NAV3: variants seen among roughly 807,000 people sequenced by gnomAD.
NAV3 encodes the protein neuron navigator 3, also known as pore membrane and/or filament interacting like protein 1.
In NAV3, 87 loss-of-function variants were observed where a neutral mutation model predicts 244.7. The ratio of observed to expected loss-of-function variants is 0.36; its 90% CI spans 0.30 to 0.42. The LOEUF (loss-of-function observed/expected upper bound fraction) is 0.42, where lower values mean the gene tolerates loss of function less well. Among genes scored for constraint, NAV3 ranks in the 20% least tolerant of loss-of-function variants. The pLI, the probability that NAV3 is intolerant of heterozygous loss-of-function variation, is 1.00. For synonymous variants in NAV3, 1,126 were observed against 1,042.2 expected, an observed-to-expected ratio of 1.08 and a Z score of -1.55; for missense variants, 2,663 against 2,893.3, an observed-to-expected ratio of 0.92 and a Z score of 1.83.
intron 2 of NAV3, among the ~76,000 whole-genome samples, chr12:77,691,498 A>G (rs1217079951): frequency 1.3e-5 from 2 of 150,726 alleles, no homozygotes; most frequent in African/African-American, 4.8e-5. Context: ...CATTTCTTGC[A>G]AGTAATCCTT....
intron 1 of NAV3, among the ~76,000 whole-genome samples, chr12:77,851,490 A>T (rs1877518235): frequency 6.6e-6 from 1 of 152,186 alleles, no homozygotes; most frequent in Non-Finnish European, 1.5e-5. Flanking sequence ...GTGCTCAATG[A>T]AATCTAACTT....
intron 1 of NAV3, among the ~76,000 whole-genome samples, chr12:77,890,823 G>T (rs1422018345): frequency 6.6e-6 from 1 of 152,172 alleles, no homozygotes; most frequent in African/African-American, 2.4e-5. Context: ...TGTAAACTCT[G>T]CAGGAAAGCT....
At chr12:77,908,274 A>T (rs1886210009) in intron 1 of NAV3, among the ~76,000 whole-genome samples, 1 of 152,112 alleles carries the variant, frequency 6.6e-6, no homozygotes, top group African/African-American at 2.4e-5. Context: ...CTGTATTGTA[A>T]ATATAATATG....
intron 9 of NAV3, among the ~76,000 whole-genome samples, chr12:78,032,162 T>G (rs1879106440): frequency 6.6e-6 from 1 of 152,136 alleles, no homozygotes; most frequent in African/African-American, 2.4e-5. Flanking sequence ...AATGTGAAAA[T>G]CATCCCTATT....
At chr12:77,713,578 G>A (rs1876222218) in intron 2 of NAV3, among the ~76,000 whole-genome samples, 1 of 152,160 alleles carries the variant, frequency 6.6e-6, no homozygotes, top group Admixed American at 6.6e-5. Context: ...CTTGTTAAAT[G>A]TTGAGCAGAA....
intron 34 of NAV3, among the ~76,000 whole-genome samples, chr12:78,190,810 C>T (rs1400201512): frequency 1.3e-5 from 2 of 152,114 alleles, no homozygotes; most frequent in African/African-American, 2.4e-5. Flanking sequence ...TCAGCCTGAA[C>T]ACTCAGATAT....
chr12:77,698,782 T>C (rs12301843), intron 2 of NAV3, among the ~76,000 whole-genome samples: 4,115 of 152,232 alleles, frequency 0.027, 184 homozygotes, highest in African/African-American at 0.093. Flanking sequence ...GGCATGGCTA[T>C]TGATGTTCAA....
chr12:78,147,823 T>C (rs901388808), intron 21 of NAV3, among the ~76,000 whole-genome samples: 3 of 152,030 alleles, frequency 2.0e-5, no homozygotes, highest in South Asian at 4.1e-4. Flanking sequence ...TTCCAAAAGT[T>C]CAACTACAAC....
At chr12:78,025,497 G>A (rs934945567) in intron 9 of NAV3, among the ~76,000 whole-genome samples, 2 of 148,878 alleles carry the variant, frequency 1.3e-5, no homozygotes, top group African/African-American at 5.0e-5. Flanking sequence ...TTGGGAGGCT[G>A]AGGCAGGAGA....
At chr12:78,033,668 A>C (rs1879368079) in intron 9 of NAV3, among the ~76,000 whole-genome samples, 1 of 152,146 alleles carries the variant, frequency 6.6e-6, no homozygotes, top group Non-Finnish European at 1.5e-5. Context: ...AGTTAATAAC[A>C]ATATCTTTGA....
intron 34 of NAV3, among the ~76,000 whole-genome samples, chr12:78,194,405 T>TTCAC (rs778874867): frequency 1.3e-5 from 2 of 152,110 alleles, no homozygotes; most frequent in Non-Finnish European, 2.9e-5. Context: ...GATATATTCA[T>TTCAC]TCACCTCATG....
intron 9 of NAV3, among the ~76,000 whole-genome samples, chr12:78,045,431 G>T (rs547415616): frequency 6.6e-6 from 1 of 152,080 alleles, no homozygotes; most frequent in Non-Finnish European, 1.5e-5. Flanking sequence ...GAGTAGCTGG[G>T]GCTGCAGGTG....
chr12:77,941,500 A>T (rs1889866888), intron 3 of NAV3, among the ~76,000 whole-genome samples: 1 of 152,180 alleles, frequency 6.6e-6, no homozygotes, highest in Non-Finnish European at 1.5e-5. Flanking sequence ...TAAAATATAT[A>T]AATAGTATTT....
At chr12:78,192,383 AT>A (rs1024770903) in intron 34 of NAV3, among the ~76,000 whole-genome samples, 39 of 150,964 alleles carry the variant, frequency 2.6e-4, no homozygotes, top group Non-Finnish European at 2.2e-4. Context: ...TTATTTTTTT[AT>A]TTTTTATTAT....
At chr12:78,148,493 A>C (rs1007182066) in intron 21 of NAV3, among the ~76,000 whole-genome samples, 1 of 152,138 alleles carries the variant, frequency 6.6e-6, no homozygotes, top group Non-Finnish European at 1.5e-5. Context: ...TACAGTTTTT[A>C]TAAAGAAAAT....
chr12:77,626,901 A>G (rs1871653443), intron 2 of NAV3, among the ~76,000 whole-genome samples: 1 of 152,170 alleles, frequency 6.6e-6, no homozygotes, highest in South Asian at 2.1e-4. Context: ...TGATACACAA[A>G]TGAAAGAGAA....
chr12:78,044,710 T>A (rs1376507787), intron 9 of NAV3, among the ~76,000 whole-genome samples: 1 of 152,124 alleles, frequency 6.6e-6, no homozygotes, highest in African/African-American at 2.4e-5. Flanking sequence ...TGGGAGTTTA[T>A]TCATGATTTG....
At chr12:78,138,035 CTT>C (rs1030108790) in intron 19 of NAV3, among the ~76,000 whole-genome samples, 31 of 152,116 alleles carry the variant, frequency 2.0e-4, no homozygotes, top group African/African-American at 7.5e-4. Flanking sequence ...ATTTGAGAGA[CTT>C]TTCTCTTTGA....
rs1446595919 is a variant in NAV3, at chr12:77,658,325, G to T, written c.72+86059G>T. On this transcript the variant is annotated intron_variant, in intron 2 of 8. Transcript: ENST00000550042. ...CTTATACACCAATAACAGACAAACA[G>T]AGAGCCAAATCATGAGTGAACTCCC... 6.2e-4 allele frequency among the ~76,000 whole-genome samples: 93 copies of T among 151,110 alleles called. 1 individual carries two copies. Among genetic ancestry groups the T allele is most frequent in the African/African-American group, 2.2e-3 (91 of 41,126 alleles).
Sources: allele counts gnomAD v4.1 joint callset (sites outside exome capture counted in the v4.1 genomes callset), GRCh38; gene constraint gnomAD v4.1.1; transcripts MANE v1.5; gene names NCBI Gene and HGNC (gene_info 2026-07-23, HGNC 2026-07-21).